The following AFG2A variants were observed in gnomAD, a reference collection of about 807,000 sequenced individuals.
AFG2A encodes the protein ATPase family gene 2 protein homolog A.
chr4:123,270,507 C>T, the AFG2A span, among the ~76,000 whole-genome samples: 1 of 152,066 alleles, frequency 6.6e-6, no homozygotes, highest in African/African-American at 2.4e-5. Context: ...AGCTATAAAC[C>T]TTGTGTGCTT....
At chr4:123,311,655 A>AC in the AFG2A span, among the ~76,000 whole-genome samples, 2 of 145,710 alleles carry the variant, frequency 1.4e-5, no homozygotes, top group South Asian at 2.2e-4. Flanking sequence ...AAAAAAAAAA[A>AC]AGAGAGAGAA....
At chr4:123,005,447 G>T in the AFG2A span, among the ~76,000 whole-genome samples, 3 of 152,204 alleles carry the variant, frequency 2.0e-5, no homozygotes, top group South Asian at 6.2e-4. Flanking sequence ...GAGCCACTGC[G>T]CCCAGCCTTG....
chr4:123,315,668 C>T, the AFG2A span: 1 of 152,164 alleles, frequency 6.6e-6, no homozygotes, highest in Non-Finnish European at 1.5e-5. Context: ...GAAGAATGTG[C>T]ACTTAAACTT....
the AFG2A span, among the ~76,000 whole-genome samples, chr4:123,007,078 T>G: frequency 1.3e-5 from 2 of 152,242 alleles, no homozygotes; most frequent in South Asian, 4.1e-4. Context: ...TTTTTAAATA[T>G]TCATAAGAAT....
the AFG2A span, among the ~76,000 whole-genome samples, chr4:123,210,729 T>C: frequency 1.3e-5 from 2 of 152,128 alleles, no homozygotes; most frequent in African/African-American, 4.8e-5. Flanking sequence ...CTAGACTACA[T>C]AATAGTTATA....
At chr4:123,171,190 T>G in the AFG2A span, among the ~76,000 whole-genome samples, 21 of 152,264 alleles carry the variant, frequency 1.4e-4, no homozygotes, top group African/African-American at 5.1e-4. Flanking sequence ...CCCTTGTAGA[T>G]TTTTGTAACA....
the AFG2A span, among the ~76,000 whole-genome samples, chr4:123,264,443 G>C: frequency 6.6e-6 from 1 of 152,158 alleles, no homozygotes; most frequent in African/African-American, 2.4e-5. Flanking sequence ...TAAATTGCTA[G>C]AATATTAAAA....
At chr4:123,135,932 A>G in the AFG2A span, among the ~76,000 whole-genome samples, 74 of 152,190 alleles carry the variant, frequency 4.9e-4, no homozygotes, top group Non-Finnish European at 9.4e-4. Flanking sequence ...AACCAGTAGC[A>G]TTTTGTTTTA....
the AFG2A span, among the ~76,000 whole-genome samples, chr4:123,158,755 G>A: frequency 6.6e-6 from 1 of 152,146 alleles, no homozygotes; most frequent in Admixed American, 6.6e-5. Flanking sequence ...GCAGTCAGAG[G>A]AAGGAAGTCA....
the AFG2A span, among the ~76,000 whole-genome samples, chr4:123,224,834 A>C: frequency 9.9e-5 from 15 of 152,192 alleles, no homozygotes; most frequent in African/African-American, 3.4e-4. Flanking sequence ...CCAACAGTGT[A>C]AAAGTGCTCC....
chr4:123,316,545 C>T, the AFG2A span: 5 of 152,198 alleles, frequency 3.3e-5, no homozygotes, highest in Admixed American at 2.0e-4. Flanking sequence ...AACTTACCTT[C>T]TTCCCTATTA....
the AFG2A span, among the ~76,000 whole-genome samples, chr4:123,000,296 T>A: frequency 2.6e-5 from 4 of 151,126 alleles, no homozygotes; most frequent in Non-Finnish European, 5.9e-5. Flanking sequence ...TACCCTTTAT[T>A]TCCTTCTCCT....
chr4:123,140,150 C>A, the AFG2A span, among the ~76,000 whole-genome samples: 1 of 151,962 alleles, frequency 6.6e-6, no homozygotes, highest in East Asian at 1.9e-4. Context: ...GTAAACAAAC[C>A]TGTTTTCAGA....
the AFG2A span, among the ~76,000 whole-genome samples, chr4:123,106,481 A>G: frequency 6.6e-6 from 1 of 152,066 alleles, no homozygotes; most frequent in Admixed American, 6.5e-5. Context: ...TGAATTTTAC[A>G]ATATGTGGGG....
At chr4:122,935,925 C>T in the AFG2A span, 1 of 1,402,282 alleles carries the variant, frequency 7.1e-7, no homozygotes, top group Non-Finnish European at 9.6e-7. Context: ...GTGTAGTATT[C>T]TGTGTGATAT....
chr4:123,231,990 T>C, the AFG2A span, among the ~76,000 whole-genome samples: 1 of 151,964 alleles, frequency 6.6e-6, no homozygotes, highest in Non-Finnish European at 1.5e-5. Flanking sequence ...CCATAATAAA[T>C]ATTATAATAA....
At chr4:122,932,939 A>G in the AFG2A span, among the ~76,000 whole-genome samples, 1 of 152,238 alleles carries the variant, frequency 6.6e-6, no homozygotes, top group Non-Finnish European at 1.5e-5. Context: ...CAACTTTATA[A>G]AGGGAATTAT....
the AFG2A span, among the ~76,000 whole-genome samples, chr4:123,225,563 G>A: frequency 2.0e-5 from 3 of 151,884 alleles, no homozygotes; most frequent in Non-Finnish European, 4.4e-5. Context: ...CTGTTCCATT[G>A]GTCTATATCT....
At chr4:123,088,769 C>T in the AFG2A span, among the ~76,000 whole-genome samples, 2 of 152,156 alleles carry the variant, frequency 1.3e-5, no homozygotes, top group East Asian at 3.9e-4. Flanking sequence ...TTCCTCTTCT[C>T]CTTCAGCCAT....
Sources: gnomAD v4.1 joint callset for allele counts (sites outside exome capture counted in the v4.1 genomes callset) on GRCh38, gnomAD v4.1.1 for gene constraint, MANE v1.5 for transcripts, NCBI Gene and HGNC (gene_info 2026-07-23, HGNC 2026-07-21) for gene names.